The following TACC1 variants were observed in gnomAD, a reference collection of about 807,000 sequenced individuals.
TACC1 encodes the protein transforming acidic coiled-coil containing protein 1.
In TACC1, 48 loss-of-function variants were observed where a neutral mutation model predicts 84.4. The observed-to-expected ratio is 0.57, with a 90% confidence interval of 0.45 to 0.72. The LOEUF is 0.72. Among genes scored for constraint, TACC1 ranks in the 30% least tolerant of loss-of-function variants. TACC1 has a pLI of 0.00. For missense variants in TACC1, 920 were observed against 973.0 expected (o/e 0.95, Z 0.72); for synonymous variants, 372 against 376.3 (o/e 0.99, Z 0.13).
At chr8:38,747,439 A>G (rs1049491001) in intron 3 of TACC1, among the ~76,000 whole-genome samples, 5 of 152,260 alleles carry the variant, frequency 3.3e-5, no homozygotes, top group African/African-American at 1.2e-4. Context: ...AATTGCCAAA[A>G]GCTGGAAGCA....
chr8:38,771,250 G>A (rs1024019869), intron 3 of TACC1, among the ~76,000 whole-genome samples: 3 of 152,152 alleles, frequency 2.0e-5, no homozygotes, highest in African/African-American at 7.2e-5. Context: ...TGGGGATGGA[G>A]CCAGGATCTC....
chr8:38,740,874 T>C (rs1345117590), intron 1 of TACC1, among the ~76,000 whole-genome samples: 1 of 152,218 alleles, frequency 6.6e-6, no homozygotes. Flanking sequence ...GATGTTGTGC[T>C]CTATCTGTGC....
rs562705569 is a variant in TACC1 at position 38,772,041 on chromosome 8, G to A, written c.27-16663G>A. ...AGAAAGAAAAAGAGAGAGAGAGAGAGAGAGAGAGAGAGGAAGGAAGGAAGG... is the reference window on the plus strand; with the variant it reads ...AGAAAGAAAAAGAGAGAGAGAGAGAAAGAGAGAGAGAGGAAGGAAGGAAGG... On this transcript the variant is annotated intron_variant, in intron 3 of 14. Coordinates refer to the TACC1 transcript ENST00000518415. 1.2e-4 allele frequency among the ~76,000 whole-genome samples: 18 copies of A among 152,234 alleles called. No homozygotes were observed. The East Asian group carries it at 1.7e-3, about 15-fold the overall frequency.
At position 38,849,755 on chromosome 8, in the gene TACC1, T is replaced by TA. The variant is rs1458633693; in HGVS notation, c.*1738dup. The TA allele has an allele frequency of 6.6e-6, 1 of 152,630 alleles. No individual in the cohort carries two copies. The highest frequency in any genetic ancestry group is 1.5e-5 in the Non-Finnish European group (1 of 68,034). The allele number at this position is 152,630 out of a possible 1,614,324, so 9.5% of individuals were successfully genotyped here. On this transcript the variant is annotated 3_prime_UTR_variant, in exon 13 of 13. Coordinates refer to ENST00000317827, the MANE Select transcript of TACC1 (RefSeq NM_006283.3). ...AAGCCTGTTGTCTTAACATTTTGTA[T>TA]AAAAAAGAACAACAGAAATTATCTG... is the stretch of plus-strand genomic sequence containing the variant.
At chr8:38,811,331 T>TA (rs1349321145) in intron 2 of TACC1, among the ~76,000 whole-genome samples, 1 of 152,140 alleles carries the variant, frequency 6.6e-6, no homozygotes, top group Non-Finnish European at 1.5e-5. Flanking sequence ...GGCTAAAACT[T>TA]ACAAATCATC....
intron 1 of TACC1, among the ~76,000 whole-genome samples, chr8:38,738,586 C>A (rs758620858): frequency 2.6e-5 from 4 of 151,884 alleles, no homozygotes; most frequent in Admixed American, 2.6e-4. Context: ...GCCCATTGAG[C>A]GCTCTCTCAT....
At chr8:38,778,037 G>T (rs1269098474) in intron 3 of TACC1, among the ~76,000 whole-genome samples, 1 of 152,204 alleles carries the variant, frequency 6.6e-6, no homozygotes, top group Non-Finnish European at 1.5e-5. Flanking sequence ...TGGTGATCTT[G>T]TGGAAATTCA....
At chr8:38,773,577 GCTATCTATCTAGCTAT>G (rs1465327048) in intron 3 of TACC1, among the ~76,000 whole-genome samples, 27 of 147,300 alleles carry the variant, frequency 1.8e-4, no homozygotes, top group Non-Finnish European at 3.2e-4. Context: ...TATCTAGCTA[GCTATCTATCTAGCTAT>G]CTATCTATCT....
intron 2 of TACC1, among the ~76,000 whole-genome samples, chr8:38,818,812 A>G (rs1826019419): frequency 6.8e-6 from 1 of 147,722 alleles, no homozygotes; most frequent in Admixed American, 6.8e-5. Flanking sequence ...TTTCTTTGAG[A>G]CAGAGTCTAG....
At chr8:38,822,126 A>G (rs1587999213) in intron 3 of TACC1, among the ~76,000 whole-genome samples, 1 of 151,434 alleles carries the variant, frequency 6.6e-6, no homozygotes. Flanking sequence ...ATGCCTGTAG[A>G]CCCAGCTACT....
intron 5 of TACC1, among the ~76,000 whole-genome samples, chr8:38,828,834 C>G (rs1828673659): frequency 6.6e-6 from 1 of 152,174 alleles, no homozygotes; most frequent in Non-Finnish European, 1.5e-5. Context: ...ACATTTGACT[C>G]TAAGCAGTCT....
intron 6 of TACC1, among the ~76,000 whole-genome samples, chr8:38,835,412 C>G (rs1346877540): frequency 1.3e-5 from 2 of 152,234 alleles, no homozygotes; most frequent in African/African-American, 2.4e-5. Flanking sequence ...CTCCTCAGAG[C>G]TTCTGAGCCA....
chr8:38,787,018 A>C (rs1264360128), upstream of TACC1, among the ~76,000 whole-genome samples: 1 of 151,562 alleles, frequency 6.6e-6, no homozygotes, highest in Non-Finnish European at 1.5e-5. Flanking sequence ...GTGGGGTATG[A>C]CCGAATCTCC....
At chr8:38,780,007 C>G (rs962025328) in intron 3 of TACC1, among the ~76,000 whole-genome samples, 6 of 152,186 alleles carry the variant, frequency 3.9e-5, no homozygotes, top group African/African-American at 1.2e-4. Context: ...TACTAACAGC[C>G]TTTGTTTTTC....
chr8:38,772,655 A>AAAC (rs1813874183), intron 3 of TACC1, among the ~76,000 whole-genome samples: 1 of 152,232 alleles, frequency 6.6e-6, no homozygotes, highest in Non-Finnish European at 1.5e-5. Context: ...CTTATGAAGA[A>AAAC]AACAAGCGGC....
intron 2 of TACC1, among the ~76,000 whole-genome samples, chr8:38,810,933 G>A (rs926202520): frequency 3.9e-5 from 6 of 152,048 alleles, no homozygotes; most frequent in African/African-American, 7.2e-5. Flanking sequence ...CCTAGGCAAC[G>A]TAGTGCGACC....
chr8:38,826,525 TAAAGAA>T (rs1397237527), intron 4 of TACC1, among the ~76,000 whole-genome samples: 1 of 152,118 alleles, frequency 6.6e-6, no homozygotes, highest in Non-Finnish European at 1.5e-5. Flanking sequence ...TTTTAAGACT[TAAAGAA>T]AAAAGTTTCA....
rs566312252 is a variant in TACC1 at position 38,814,402 on chromosome 8, A to G, written c.278-5120A>G. 1.1e-4 allele frequency among the ~76,000 whole-genome samples: 16 copies of G among 152,344 alleles called. 1 individual carries two copies. The South Asian group carries it at 3.3e-3, about 32-fold the overall frequency. ...ATATATGATGTGATCATGTAAGATT[A>G]TAATACCATATTTTTACTGTACCTT... On this transcript the variant is annotated intron_variant, in intron 2 of 12. Coordinates refer to ENST00000317827, the MANE Select transcript of TACC1 (RefSeq NM_006283.3).
At chr8:38,773,824 A>G (rs1254079302) in intron 3 of TACC1, among the ~76,000 whole-genome samples, 3 of 152,222 alleles carry the variant, frequency 2.0e-5, no homozygotes, top group South Asian at 2.1e-4. Flanking sequence ...TTCCAGATGT[A>G]AAAAGTACTT....
Sources: gnomAD v4.1 joint callset for allele counts (sites outside exome capture counted in the v4.1 genomes callset) on GRCh38, gnomAD v4.1.1 for gene constraint, MANE v1.5 for transcripts, NCBI Gene and HGNC (gene_info 2026-07-23, HGNC 2026-07-21) for gene names.